Variants in PDE12 observed in about 807,000 individuals in gnomAD.
PDE12 encodes phosphodiesterase 12, also known as 2',5'-phosphodiesterase 12.
In PDE12, 26 loss-of-function variants were observed where a neutral mutation model predicts 45.4. That is an observed-to-expected ratio of 0.57 (90% CI 0.42 to 0.79). The LOEUF is 0.79. Among genes scored for constraint, PDE12 ranks in the 30% least tolerant of loss-of-function variants. The pLI is 0.00. For missense variants in PDE12, 668 were observed against 790.0 expected (o/e 0.85, Z 1.85); for synonymous variants, 283 against 323.9 (o/e 0.87, Z 1.36).
At chr3:57,569,783 G>C (rs1049201441), downstream of PDE12, among the ~76,000 whole-genome samples, 6 of 123,508 alleles carry the variant, frequency 4.9e-5, no homozygotes, top group Non-Finnish European at 9.4e-5. Context: ...GGTGAGCCAA[G>C]ATCCTGCCAC....
At chr3:57,578,945 C>T in the PDE12 span, among the ~76,000 whole-genome samples, 1 of 152,048 alleles carries the variant, frequency 6.6e-6, no homozygotes, top group Non-Finnish European at 1.5e-5. Context: ...ACCTTGACTC[C>T]TAAAGTATCA....
At chr3:57,592,162 C>T in the PDE12 span, among the ~76,000 whole-genome samples, 1 of 152,088 alleles carries the variant, frequency 6.6e-6, no homozygotes, top group African/African-American at 2.4e-5. Flanking sequence ...TGCTGCCATC[C>T]TGCCTTTAGG....
At chr3:57,605,638 A>G in the PDE12 span, among the ~76,000 whole-genome samples, 1 of 152,220 alleles carries the variant, frequency 6.6e-6, no homozygotes. Context: ...TTTAAAGTAA[A>G]ACGAAAATAC....
downstream of PDE12, among the ~76,000 whole-genome samples, chr3:57,568,860 A>C (rs1474396038): frequency 6.1e-4 from 4 of 6,562 alleles, no homozygotes; most frequent in Non-Finnish European, 1.1e-3. Context: ...GTTATGGACA[A>C]AAAAAAAAAA....
chr3:57,614,577 T>G, the PDE12 span, among the ~76,000 whole-genome samples: 1 of 138,676 alleles, frequency 7.2e-6, no homozygotes, highest in Non-Finnish European at 1.5e-5. Context: ...GGAGTCTTGC[T>G]CTGTTGCCCA....
chr3:57,556,761 C>G lies in PDE12; in HGVS notation c.382C>G (p.Arg128Gly), dbSNP rs537458498. 99 of 1,606,754 alleles carry G rather than the reference C, an allele frequency of 6.2e-5. 3 individuals carry two copies. The South Asian group carries it at 9.6e-4, about 16-fold the overall frequency. ...FCEPVVKLYY[R>G]EEAVAEDVLN... Reference sequence around the variant, plus strand: ...CGAGCCCGTGGTGAAGCTGTACTACCGGGAAGAGGCAGTGGCTGAGGACGT... The same window carrying G: ...CGAGCCCGTGGTGAAGCTGTACTACGGGGAAGAGGCAGTGGCTGAGGACGT... The change falls in exon 1 of 3, where the codon CGG becomes GGG. Residue 128 changes from arginine (R) to glycine (G), a missense_variant. Arg to Gly is a moderately radical substitution (Grantham distance 125, BLOSUM62 -2). Coordinates refer to ENST00000311180, the MANE Select transcript of PDE12 (RefSeq NM_177966.7). This position sits in a 1 kb window ranked among gnomAD's most constrained non-coding sequence, Gnocchi z 5.0.
At chr3:57,642,206 C>T in the PDE12 span, among the ~76,000 whole-genome samples, 2 of 149,902 alleles carry the variant, frequency 1.3e-5, no homozygotes, top group Non-Finnish European at 3.0e-5. Flanking sequence ...CCCAGCTACT[C>T]AGGAGGCTGA....
At chr3:57,641,733 A>C in the PDE12 span, 8 of 1,613,266 alleles carry the variant, frequency 5.0e-6, no homozygotes, top group African/African-American at 1.3e-5. Context: ...GGTTACTCCT[A>C]ATATAACTGA....
At chr3:57,584,365 C>T in the PDE12 span, 4 of 1,559,684 alleles carry the variant, frequency 2.6e-6, no homozygotes, top group Non-Finnish European at 3.5e-6. Context: ...GATATAAAGT[C>T]ATCTGTAAAC....
chr3:57,569,790 C>A (rs552084530), downstream of PDE12, among the ~76,000 whole-genome samples: 2 of 143,982 alleles, frequency 1.4e-5, no homozygotes, highest in Non-Finnish European at 3.0e-5. Flanking sequence ...CAAGATCCTG[C>A]CACTGGACTC....
the PDE12 span, chr3:57,583,751 G>A: frequency 3.1e-6 from 2 of 647,100 alleles, no homozygotes; most frequent in Non-Finnish European, 5.4e-6. Flanking sequence ...GCCTAAGTGA[G>A]AGTCCACTGA....
chr3:57,605,889 T>A, the PDE12 span, among the ~76,000 whole-genome samples: 1 of 152,042 alleles, frequency 6.6e-6, no homozygotes, highest in Non-Finnish European at 1.5e-5. Flanking sequence ...TAGATTAAAC[T>A]ACACAGAAGA....
rs2069743981 is a variant in PDE12 at position 57,563,136 on chromosome 3, T to A, written c.*3132T>A. The A allele has an allele frequency of 6.6e-6, 1 of 152,206 alleles. No homozygotes were observed. Among genetic ancestry groups the A allele is most frequent in the African/African-American group, 2.4e-5 (1 of 41,450 alleles). 9.4% of individuals were successfully genotyped at this position (152,206 alleles called of 1,614,324 possible). A position where few individuals can be genotyped will look rare whatever the true frequency, so the allele number is the denominator to read the frequency against. On this transcript the variant is annotated 3_prime_UTR_variant, in exon 3 of 3. Coordinates refer to ENST00000311180, the MANE Select transcript of PDE12 (RefSeq NM_177966.7). Reference sequence around the variant, plus strand: ...GAAAAATAAAAGTTTGCATTATTAGTTTATCACAAGACCCATGTGACAACT... The same window carrying A: ...GAAAAATAAAAGTTTGCATTATTAGATTATCACAAGACCCATGTGACAACT...
At chr3:57,656,171 C>T in the PDE12 span, among the ~76,000 whole-genome samples, 1 of 152,112 alleles carries the variant, frequency 6.6e-6, no homozygotes, top group Non-Finnish European at 1.5e-5. Context: ...TGCCCGCAGC[C>T]CTTATGTAGT....
chr3:57,584,557 G>T, the PDE12 span: 1 of 1,055,740 alleles, frequency 9.5e-7, no homozygotes, highest in South Asian at 1.5e-5. Flanking sequence ...ACTAGAAGTT[G>T]ACTGTTCAAG....
the PDE12 span, chr3:57,597,131 T>C: frequency 6.2e-7 from 1 of 1,614,030 alleles, no homozygotes; most frequent in Non-Finnish European, 8.5e-7. Context: ...GAGGAGATAG[T>C]GAGGCCCATG....
chr3:57,630,686 T>G, the PDE12 span: 16 of 1,596,702 alleles, frequency 1.0e-5, no homozygotes, highest in Non-Finnish European at 1.3e-5. Context: ...GCACGACACA[T>G]GGGTGTAAAA....
chr3:57,633,360 A>G, the PDE12 span: 1 of 1,604,746 alleles, frequency 6.2e-7, no homozygotes. Context: ...ACACCCTTAA[A>G]AGAGGAAATA....
the PDE12 span, among the ~76,000 whole-genome samples, chr3:57,612,068 AG>A: frequency 6.6e-6 from 1 of 151,796 alleles, no homozygotes; most frequent in Non-Finnish European, 1.5e-5. Flanking sequence ...GCCATAAAAA[AG>A]GGTGAGTTCA....
Sources: gnomAD v4.1 joint callset for allele counts (sites outside exome capture counted in the v4.1 genomes callset) on GRCh38, gnomAD v4.1.1 for gene constraint, Gnocchi (gnomAD v3.1) non-coding constraint, MANE v1.5 for transcripts, NCBI Gene and HGNC (gene_info 2026-07-23, HGNC 2026-07-21) for gene names.